The following CSMD3 variants were observed in gnomAD, a reference collection of about 807,000 sequenced individuals.
CSMD3 encodes CUB and sushi domain-containing protein 3.
Under a neutral mutation model 435.2 loss-of-function variants are expected in CSMD3, and 177 were observed. The observed-to-expected ratio is 0.41, with a 90% CI of 0.36 to 0.46. CSMD3 has a LOEUF of 0.46. CSMD3 is among the 20% of genes least tolerant of loss of function. The probability of loss-of-function intolerance (pLI) is 0.34; values close to 1 mark genes in which losing one functional copy is unlikely to be tolerated. For synonymous variants in CSMD3, 1,656 were observed against 1,520.5 expected (o/e 1.09, Z -2.07); for missense variants, 4,265 against 4,504.6 (o/e 0.95, Z 1.52).
intron 6 of CSMD3, among the ~76,000 whole-genome samples, chr8:113,015,290 T>A (rs1161986959): frequency 2.6e-5 from 4 of 152,088 alleles, no homozygotes; most frequent in African/African-American, 9.7e-5. Flanking sequence ...CCCAAAATGA[T>A]CATAGCCTAT....
chr8:113,337,136 T>C (rs1212830340), intron 1 of CSMD3, among the ~76,000 whole-genome samples: 1 of 152,154 alleles, frequency 6.6e-6, no homozygotes, highest in Non-Finnish European at 1.5e-5. Flanking sequence ...TACTGGCTTA[T>C]TTAAGCCTGA....
At chr8:112,415,749 C>T (rs745780551) in intron 32 of CSMD3, among the ~76,000 whole-genome samples, 12 of 152,156 alleles carry the variant, frequency 7.9e-5, no homozygotes, top group South Asian at 2.1e-4. Context: ...CTTGCATCAG[C>T]GTGACCTGGA....
rs117566985 is a variant in CSMD3, at chr8:112,629,246, G to A, written c.3715+7571C>T. Among the ~76,000 whole-genome samples, 501 of 152,034 alleles carry A rather than the reference G, an allele frequency of 3.3e-3. 24 individuals are homozygous for A. In the East Asian group the frequency reaches 0.087, roughly 26 times the overall value. On this transcript the variant is annotated intron_variant, in intron 22 of 70. Transcript: ENST00000297405. ...AGACAGCATCTTGCTCTGTTGCCCA[G>A]GCTGGAGTGTGGTGGCACCATCACA...
intron 4 of CSMD3, among the ~76,000 whole-genome samples, chr8:113,138,598 T>C (rs530097471): frequency 2.0e-5 from 3 of 151,478 alleles, no homozygotes; most frequent in African/African-American, 7.2e-5. Context: ...TTATAAGCTA[T>C]AATAATAGGC....
At chr8:112,663,563 C>T (rs1333971099) in intron 17 of CSMD3, among the ~76,000 whole-genome samples, 1 of 151,582 alleles carries the variant, frequency 6.6e-6, no homozygotes, top group African/African-American at 2.4e-5. Flanking sequence ...GTGCAGCATA[C>T]CAACGTGGCA....
chr8:112,918,908 A>C (rs2082649251), intron 10 of CSMD3, among the ~76,000 whole-genome samples: 1 of 151,896 alleles, frequency 6.6e-6, no homozygotes, highest in African/African-American at 2.4e-5. Context: ...GTCTGGAAAA[A>C]GCATATTTAT....
intron 13 of CSMD3, among the ~76,000 whole-genome samples, chr8:112,724,784 A>G (rs1461096874): frequency 2.6e-5 from 4 of 152,062 alleles, no homozygotes; most frequent in South Asian, 2.1e-4. Flanking sequence ...AAGTTGCATT[A>G]ACATTAAGTG....
intron 5 of CSMD3, among the ~76,000 whole-genome samples, chr8:113,073,845 G>C (rs1287031597): frequency 1.3e-5 from 2 of 151,554 alleles, no homozygotes; most frequent in Non-Finnish European, 3.0e-5. Flanking sequence ...CCCCAGTCTT[G>C]TCATCCTAAT....
intron 5 of CSMD3, among the ~76,000 whole-genome samples, chr8:113,056,093 T>A (rs1030618171): frequency 2.0e-5 from 3 of 152,148 alleles, no homozygotes; most frequent in African/African-American, 7.2e-5. Context: ...CCAAACATTA[T>A]AATGATGATA....
chr8:113,399,092 T>C, intron 1 of CSMD3, among the ~76,000 whole-genome samples: 1 of 79,490 alleles, frequency 1.3e-5, no homozygotes. Context: ...TATATATATA[T>C]ATATATATAT....
intron 10 of CSMD3, among the ~76,000 whole-genome samples, chr8:112,902,304 G>C (rs2082126496): frequency 6.6e-6 from 1 of 151,234 alleles, no homozygotes; most frequent in Non-Finnish European, 1.5e-5. Flanking sequence ...AGCTTGATAT[G>C]ATCAAAGGGT....
chr8:112,716,954 A>G (rs1374001440), intron 13 of CSMD3, among the ~76,000 whole-genome samples: 1 of 152,196 alleles, frequency 6.6e-6, no homozygotes, highest in Non-Finnish European at 1.5e-5. Flanking sequence ...TAAATGTAAA[A>G]CCATAAAAAC....
At chr8:113,112,386 CATATATATATATAT>C (rs56256676) in intron 4 of CSMD3, among the ~76,000 whole-genome samples, 141 of 74,870 alleles carry the variant, frequency 1.9e-3, no homozygotes, top group African/African-American at 4.2e-3. Flanking sequence ...CCCAATAAAA[CATATATATATATAT>C]ATATATATAT....
chr8:112,327,643 A>G (rs10098649), intron 45 of CSMD3, among the ~76,000 whole-genome samples: 7,337 of 152,234 alleles, frequency 0.048, 290 homozygotes, highest in East Asian at 0.14. Context: ...TTTTTAGAAG[A>G]ATCATGTTAT....
chr8:112,753,484 G>T (rs1402013742), intron 13 of CSMD3, among the ~76,000 whole-genome samples: 1 of 152,140 alleles, frequency 6.6e-6, no homozygotes, highest in African/African-American at 2.4e-5. Flanking sequence ...GATAGGCAAT[G>T]CCATTAAATT....
At chr8:112,460,531 ATT>A (rs33952050) in intron 32 of CSMD3, among the ~76,000 whole-genome samples, 80,038 of 151,458 alleles carry the variant, frequency 0.53, 21,498 homozygotes, top group Middle Eastern at 0.66. Context: ...GAAGGCATGG[ATT>A]TTTTAGTTCA....
At chr8:112,591,756 G>T (rs1831212048) in intron 22 of CSMD3, among the ~76,000 whole-genome samples, 1 of 151,876 alleles carries the variant, frequency 6.6e-6, no homozygotes. Flanking sequence ...AATAATACAT[G>T]ATTTTGCTCA....
intron 32 of CSMD3, among the ~76,000 whole-genome samples, chr8:112,433,669 A>G (rs866363163): frequency 6.9e-5 from 10 of 144,972 alleles, no homozygotes; most frequent in African/African-American, 1.7e-4. Context: ...AAAAAAAAAA[A>G]AAAGAAAGAA....
At chr8:112,774,230 C>T (rs900296842) in intron 13 of CSMD3, among the ~76,000 whole-genome samples, 7 of 152,042 alleles carry the variant, frequency 4.6e-5, no homozygotes, top group South Asian at 2.1e-4. Flanking sequence ...CTCACTGACA[C>T]CTGGGTGCAC....
Sources: allele counts gnomAD v4.1 joint callset (sites outside exome capture counted in the v4.1 genomes callset), GRCh38; gene constraint gnomAD v4.1.1; transcripts MANE v1.5; gene names NCBI Gene and HGNC (gene_info 2026-07-23, HGNC 2026-07-21).